CLSPN: variants seen among roughly 807,000 people sequenced by gnomAD.
CLSPN encodes claspin.
A neutral mutation model predicts 156.3 loss-of-function variants in CLSPN; 85 were observed. That is an observed-to-expected ratio of 0.54 (90% CI 0.46 to 0.65). CLSPN has a LOEUF of 0.65. CLSPN is among the 30% of genes least tolerant of loss of function. The probability of loss-of-function intolerance (pLI) is 0.00; values close to 1 mark genes in which losing one functional copy is unlikely to be tolerated. For missense variants in CLSPN, 1,407 were observed against 1,554.9 expected (o/e 0.90, Z 1.60); for synonymous variants, 534 against 542.4 (o/e 0.98, Z 0.22).
At chr1:35,768,526 G>A (rs1284142690) in intron 1 of CLSPN, among the ~76,000 whole-genome samples, 1 of 151,670 alleles carries the variant, frequency 6.6e-6, no homozygotes, top group Non-Finnish European at 1.5e-5. Context: ...TCTCACCTCA[G>A]CCACCCGAGT....
chr1:35,751,228 A>C (rs1342657439), intron 10 of CLSPN, 22 bp downstream of exon 10: 1 of 1,593,818 alleles, frequency 6.3e-7, no homozygotes, highest in South Asian at 1.1e-5. Flanking sequence ...CAAGGTAACA[A>C]AACAACGTAA....
At chr1:35,753,681 A>T (rs1033619221) in intron 9 of CLSPN, 64 bp downstream of exon 9, 130 of 1,439,378 alleles carry the variant, frequency 9.0e-5, no homozygotes, top group Non-Finnish European at 1.2e-4. Flanking sequence ...GGTTTTCAAT[A>T]GCCTTGAAGA....
chr1:35,762,121 A>G lies in CLSPN; in HGVS notation c.823-51T>C, dbSNP rs1319547694. ...ACATTAATTATATGAATATCCAGAA[A>G]GATAGATATTCATCACTCAAGAGTT... On this transcript the variant is annotated intron_variant, in intron 5 of 24. Coordinates refer to ENST00000318121, the MANE Select transcript of CLSPN (RefSeq NM_022111.4). 1.1e-5 allele frequency: 15 copies of G among 1,316,036 alleles called. No homozygotes were observed. In the South Asian group the frequency reaches 1.8e-4, roughly 16 times the overall value. 81.5% of individuals were successfully genotyped at this position (1,316,036 alleles called of 1,614,324 possible). A position where few individuals can be genotyped will look rare whatever the true frequency, so the allele number is the denominator to read the frequency against.
chr1:35,764,423 G>A lies in CLSPN; in HGVS notation c.425C>T (p.Thr142Ile). 1 of 1,614,062 alleles carries A rather than the reference G, an allele frequency of 6.2e-7. No individual in the cohort carries two copies. Among genetic ancestry groups the A allele is most frequent in the Admixed American group, 1.7e-5 (1 of 60,006 alleles). ...ACTCTTTCTGTCAGTGGTAAAGTCT[G>A]TAGAGTTTCCAGACTGAAGACTCAG... is the stretch of plus-strand genomic sequence containing the variant. ...LELSLQSGNS[T>I]DFTTDRKSSK... is the part of the protein sequence containing the mutation. Residue 142 changes from threonine (T) to isoleucine (I), a missense_variant, in exon 3 of 25, where the codon ACA becomes ATA. Thr to Ile is a moderately conservative substitution (Grantham distance 89). Coordinates refer to ENST00000318121, the MANE Select transcript of CLSPN (RefSeq NM_022111.4).
At position 35,760,887 on chromosome 1, in the gene CLSPN, T is replaced by C. The variant is rs1402109390; in HGVS notation, c.1034A>G (p.Lys345Arg). Residue 345 changes from lysine to arginine, a missense_variant, in exon 8 of 25, where the codon AAA (lysine) becomes AGA (arginine). Physicochemically the swap from Lys to Arg is conservative, Grantham distance 26 (BLOSUM62 2). This residue lies in a region of CLSPN where 1,096 missense variants were observed against 1,193.0 expected (regional missense o/e 0.92). Transcript: ENST00000318121. ...KSSKYQSSHH[K>R]EIIDTANTTE... is the part of the protein sequence containing the mutation. ...AGTATTTGCAGTGTCTATGATTTCT[T>C]TGTGATGGCTTGACTGATATTTAGA... 1.9e-6 allele frequency: 3 copies of C among 1,612,130 alleles called. No homozygotes were observed. The highest frequency in any genetic ancestry group is 2.2e-5 in the East Asian group (1 of 44,856).
At position 35,739,394 on chromosome 1, in the gene CLSPN, T is replaced by C. The variant is rs765034723; in HGVS notation, c.3279A>G (p.Glu1093=). The C allele has an allele frequency of 6.2e-7, 1 of 1,613,310 alleles. No homozygotes were observed. Among genetic ancestry groups the C allele is most frequent in the Non-Finnish European group, 8.5e-7 (1 of 1,179,288 alleles). Reference sequence around the variant, plus strand: ...GTATTTTCTTGATTTGACTCTGCAGTTCCTCATCAGAAGGAAGTACTTCAT... The same window carrying C: ...GTATTTTCTTGATTTGACTCTGCAGCTCCTCATCAGAAGGAAGTACTTCAT... ...VIDEVLPSDE[E]LQSQIKKIHM... The change falls in exon 19 of 25, where the codon GAA becomes GAG. Residue 1093 remains glutamate (E), a synonymous_variant. Coordinates refer to ENST00000318121, the MANE Select transcript of CLSPN (RefSeq NM_022111.4).
At position 35,746,695 on chromosome 1, in the gene CLSPN, C is replaced by T. The variant is rs1411327998; in HGVS notation, c.2854+71G>A. The T allele has an allele frequency of 3.7e-6, 4 of 1,083,858 alleles. No individual in the cohort carries two copies. The highest frequency in any genetic ancestry group is 2.4e-5 in the East Asian group (1 of 42,294). The allele number at this position is 1,083,858 out of a possible 1,614,324, so 67.1% of individuals were successfully genotyped here. A position where few individuals can be genotyped will look rare whatever the true frequency, so the allele number is the denominator to read the frequency against. On this transcript the variant is annotated intron_variant, in intron 15 of 24. Coordinates refer to ENST00000318121, the MANE Select transcript of CLSPN (RefSeq NM_022111.4). This position sits in a 1 kb window ranked among gnomAD's most constrained non-coding sequence, Gnocchi z 4.2. Reference sequence around the variant, plus strand: ...TTACAGGCATGAGCCACCCCACCCGCCCAGGGAATTCTTTTCAAGGGCACT... The same window carrying T: ...TTACAGGCATGAGCCACCCCACCCGTCCAGGGAATTCTTTTCAAGGGCACT...
At chr1:35,750,704 G>GT (rs141290209) in intron 10 of CLSPN, among the ~76,000 whole-genome samples, 1,622 of 152,110 alleles carry the variant, frequency 0.011, 29 homozygotes, top group African/African-American at 0.036. Context: ...AAAAAGGAAA[G>GT]TTTTTTAATA....
rs1557524666 is a variant in CLSPN at position 35,764,284 on chromosome 1, CT to C, written c.563del (p.Lys188ArgfsTer11). ...AATGTACCTGGTTTTTTGTTTCCTT[CT>C]TTTTTAGCTGTCTAATTTTTTCCAT... ...RKMEKIRQLK[K>X]KETKNQEDDV... On this transcript the variant is annotated frameshift_variant, in exon 3 of 25. Transcript: ENST00000318121. LOFTEE classifies it high-confidence loss of function. The C allele has an allele frequency of 6.4e-7, 1 of 1,566,750 alleles. No individual in the cohort carries two copies. Among genetic ancestry groups the C allele is most frequent in the East Asian group, 2.2e-5 (1 of 44,530 alleles).
chr1:35,739,614 C>T, intron 18 of CLSPN, 85 bp from the exon 19 acceptor site: 3 of 954,894 alleles, frequency 3.1e-6, no homozygotes, highest in Non-Finnish European at 4.7e-6. Flanking sequence ...AACAGAGTCA[C>T]TTCTAATAAT....
intron 14 of CLSPN, among the ~76,000 whole-genome samples, chr1:35,747,559 C>G (rs1019937702): frequency 6.6e-6 from 1 of 152,174 alleles, no homozygotes; most frequent in Non-Finnish European, 1.5e-5. Flanking sequence ...TAGAGCAGGG[C>G]TTGGCATTAT....
At chr1:35,740,934 G>A (rs904328798) in intron 18 of CLSPN, among the ~76,000 whole-genome samples, 3 of 152,154 alleles carry the variant, frequency 2.0e-5, no homozygotes, top group Non-Finnish European at 2.9e-5. Flanking sequence ...ACCTAAAGCT[G>A]TATGAGAGTT....
chr1:35,760,348 T>C lies in CLSPN; in HGVS notation c.1573A>G (p.Asn525Asp). ...DSFVILEPET[N>D]RELEALKQRF... ...CCACAATGTAAAGGATTACCTCTGT[T>C]GGTTTCAGGTTCAAGTATCACAAAG... Residue 525 changes from asparagine to aspartate, a missense_variant, in exon 8 of 25, where the codon AAC becomes GAC. Transcript: ENST00000318121. 6.2e-7 allele frequency: 1 copy of C among 1,612,158 alleles called. No homozygotes were observed. Among genetic ancestry groups the C allele is most frequent in the Non-Finnish European group, 8.5e-7 (1 of 1,178,692 alleles).
At chr1:35,748,382 T>G (rs1225284508) in intron 13 of CLSPN, 23 bp downstream of exon 13, 3 of 1,605,550 alleles carry the variant, frequency 1.9e-6, no homozygotes, top group Non-Finnish European at 1.7e-6. Flanking sequence ...AGGAGGAGAT[T>G]AGAAAAACCA....
Position 35,743,491 on chromosome 1 carries a change from C to T in CLSPN, c.3006G>A (p.Arg1002=), listed in dbSNP as rs555912828. 6.1e-5 allele frequency: 98 copies of T among 1,613,790 alleles called. 1 individual carries two copies. The Admixed American group carries it at 1.6e-3, about 26-fold the overall frequency. ...CAAACTCATTATCATTTGAAACAAG[C>T]CGAAAGTCTCCAAATTCCTCCTCCT... ...EDEEEEFGDF[R]LVSNDNEFDS... Residue 1002 remains arginine (R), a synonymous_variant, in exon 17 of 25, where the codon CGG becomes CGA. Transcript: ENST00000318121.
At chr1:35,724,926 C>A (rs1641145396) in intron 24 of CLSPN, among the ~76,000 whole-genome samples, 2 of 152,154 alleles carry the variant, frequency 1.3e-5, no homozygotes, top group Admixed American at 6.6e-5. Flanking sequence ...TATGTGTTTA[C>A]CTTAGGTAAA....
intron 1 of CLSPN, among the ~76,000 whole-genome samples, chr1:35,766,320 GAA>G (rs1378682069): frequency 7.2e-6 from 1 of 138,872 alleles, no homozygotes; most frequent in African/African-American, 2.7e-5. Flanking sequence ...ATATTGCAAA[GAA>G]AAAAAAAAGA....
intron 12 of CLSPN, 73 bp downstream of exon 12, chr1:35,749,394 G>A (rs373054067): frequency 3.6e-5 from 50 of 1,374,648 alleles, no homozygotes; most frequent in Admixed American, 2.3e-4. Context: ...GAAACTTACC[G>A]TACTGCAGTC....
At chr1:35,744,422 C>A (rs536969608) in intron 16 of CLSPN, among the ~76,000 whole-genome samples, 2 of 152,252 alleles carry the variant, frequency 1.3e-5, no homozygotes, top group South Asian at 4.1e-4. Flanking sequence ...CCACCTCAGC[C>A]CCCTGAATAG....
Sources: gnomAD v4.1 joint callset for allele counts (sites outside exome capture counted in the v4.1 genomes callset) on GRCh38, gnomAD v4.1.1 for gene constraint, gnomAD v4.1.1 regional missense constraint, Gnocchi (gnomAD v3.1) non-coding constraint, MANE v1.5 for transcripts, NCBI Gene and HGNC (gene_info 2026-07-23, HGNC 2026-07-21) for gene names.